The following GDAP1 variants were observed in gnomAD, a reference collection of about 807,000 sequenced individuals.
GDAP1 encodes the protein ganglioside-induced differentiation-associated protein 1.
A neutral mutation model predicts 40.1 loss-of-function variants in GDAP1; 34 were observed. The ratio of observed to expected loss-of-function variants is 0.85; its 90% confidence interval spans 0.64 to 1.13. The LOEUF (loss-of-function observed/expected upper bound fraction) is 1.13. Among genes scored for constraint, GDAP1 ranks in the 50% most tolerant of loss-of-function variants. The probability of loss-of-function intolerance (pLI) is 0.00; values close to 1 mark genes in which losing one functional copy is unlikely to be tolerated. For synonymous variants in GDAP1, 170 were observed against 157.4 expected (o/e 1.08, Z -0.60); for missense variants, 374 against 433.7 (o/e 0.86, Z 1.22).
At chr8:74,458,509 G>C (rs1806363118) in intron 2 of GDAP1, among the ~76,000 whole-genome samples, 1 of 152,190 alleles carries the variant, frequency 6.6e-6, no homozygotes, top group African/African-American at 2.4e-5. Context: ...GGGTCCAAAT[G>C]AGGAAGCAGT....
chr8:74,482,648 G>A, intron 2 of GDAP1, among the ~76,000 whole-genome samples: 1 of 152,120 alleles, frequency 6.6e-6, no homozygotes, highest in East Asian at 1.9e-4. Flanking sequence ...TGTTCATTTG[G>A]AAGCAACGTT....
chr8:74,426,449 A>G (rs984379988), intron 2 of GDAP1, among the ~76,000 whole-genome samples: 1 of 152,238 alleles, frequency 6.6e-6, no homozygotes, highest in African/African-American at 2.4e-5. Context: ...AGTCCGGGAT[A>G]CAACATTGCA....
chr8:74,472,478 A>G (rs973950501), intron 2 of GDAP1, among the ~76,000 whole-genome samples: 1 of 152,126 alleles, frequency 6.6e-6, no homozygotes, highest in African/African-American at 2.4e-5. Flanking sequence ...GGGTTAAATG[A>G]TAGTTCTATT....
chr8:74,376,294 A>T (rs1437063246), intron 2 of GDAP1, among the ~76,000 whole-genome samples: 1 of 152,126 alleles, frequency 6.6e-6, no homozygotes, highest in Non-Finnish European at 1.5e-5. Flanking sequence ...AATGCGAAGG[A>T]CATAGTAATA....
chr8:74,356,686 GTGTGTT>G (rs1339246102), intron 2 of GDAP1, among the ~76,000 whole-genome samples: 9 of 132,616 alleles, frequency 6.8e-5, no homozygotes, highest in Non-Finnish European at 1.4e-4. Flanking sequence ...GTGTGTGTGT[GTGTGTT>G]TGTGTGTGTG....
At chr8:74,412,213 CAA>C (rs1171474645) in intron 2 of GDAP1, among the ~76,000 whole-genome samples, 2 of 149,474 alleles carry the variant, frequency 1.3e-5, no homozygotes, top group Non-Finnish European at 2.9e-5. Flanking sequence ...TATAGTTAGA[CAA>C]AGAGAAAATG....
chr8:74,474,421 C>T (rs547605294), intron 2 of GDAP1, among the ~76,000 whole-genome samples: 1 of 152,212 alleles, frequency 6.6e-6, no homozygotes, highest in East Asian at 1.9e-4. Flanking sequence ...ATGATGTTGG[C>T]TGTGGGTTTG....
intron 2 of GDAP1, among the ~76,000 whole-genome samples, chr8:74,461,489 A>G (rs1162781793): frequency 6.6e-6 from 1 of 152,240 alleles, no homozygotes; most frequent in Non-Finnish European, 1.5e-5. Flanking sequence ...GCCTAAAAAT[A>G]ACAACACAAT....
At chr8:74,386,698 G>A (rs957783321) in intron 2 of GDAP1, among the ~76,000 whole-genome samples, 2 of 152,114 alleles carry the variant, frequency 1.3e-5, no homozygotes, top group Admixed American at 6.6e-5. Flanking sequence ...GAAATTTAAA[G>A]TAGTTTTCTC....
At chr8:74,440,573 A>G (rs1393177000) in intron 2 of GDAP1, among the ~76,000 whole-genome samples, 1 of 146,818 alleles carries the variant, frequency 6.8e-6, no homozygotes, top group African/African-American at 2.5e-5. Context: ...ACCCAGAGCT[A>G]TTTCTGCTGA....
chr8:74,479,788 A>G (rs1364984758), intron 2 of GDAP1, among the ~76,000 whole-genome samples: 1 of 152,178 alleles, frequency 6.6e-6, no homozygotes, highest in African/African-American at 2.4e-5. Context: ...ATCCTTCATT[A>G]TGCAGCAGGC....
chr8:74,390,140 C>T (rs868234344), intron 2 of GDAP1, among the ~76,000 whole-genome samples: 1 of 152,120 alleles, frequency 6.6e-6, no homozygotes, highest in Admixed American at 6.5e-5. Flanking sequence ...TCCTTTAGCT[C>T]AGAGGAGTTT....
intron 2 of GDAP1, among the ~76,000 whole-genome samples, chr8:74,351,707 A>T (rs1464022401): frequency 1.4e-5 from 2 of 146,738 alleles, no homozygotes; most frequent in Non-Finnish European, 3.0e-5. Context: ...TAATGTTGAA[A>T]CTTAAAAAAA....
At chr8:74,384,700 AAC>A (rs1248841769) in intron 2 of GDAP1, among the ~76,000 whole-genome samples, 1 of 152,222 alleles carries the variant, frequency 6.6e-6, no homozygotes, top group East Asian at 1.9e-4. Context: ...AATTCAATAT[AAC>A]TTCATTAAAA....
At chr8:74,351,206 C>T in intron 1 of GDAP1, 68 bp from the exon 2 acceptor site, 2 of 1,267,512 alleles carry the variant, frequency 1.6e-6, no homozygotes, top group Non-Finnish European at 2.3e-6. Context: ...GGCTGCTTAG[C>T]GGTGTCCAGG....
chr8:74,453,976 C>T lies in GDAP1; in HGVS notation c.166-34702C>T, dbSNP rs1344952595. 1.5e-4 allele frequency among the ~76,000 whole-genome samples: 11 copies of T among 73,162 alleles called. 5 individuals carry two copies. Among genetic ancestry groups the T allele is most frequent in the South Asian group, 1.3e-3 (2 of 1,554 alleles). The allele number at this position is 73,162 out of a possible 152,430, so 48.0% of individuals were successfully genotyped here. A position where few individuals can be genotyped will look rare whatever the true frequency, so the allele number is the denominator to read the frequency against. ...ACACACACACACACACACACACACACGTATTCTAAAGACCCAAGGAAAAAT... is the reference window on the plus strand; with the variant it reads ...ACACACACACACACACACACACACATGTATTCTAAAGACCCAAGGAAAAAT... On this transcript the variant is annotated intron_variant, in intron 2 of 2. Coordinates refer to the GDAP1 transcript ENST00000523640.
Position 74,364,863 on chromosome 8 carries a change from T to C in GDAP1, c.*496T>C, listed in dbSNP as rs1297850513. ...TTAAATGCTTATGAATCACACACAT[T>C]GCTTTAGTAAGATTAAGTGCTTATA... On this transcript the variant is annotated 3_prime_UTR_variant, in exon 6 of 6. Transcript: ENST00000220822. 4 of 454,192 alleles carry C rather than the reference T, an allele frequency of 8.8e-6. No homozygotes were observed. Among genetic ancestry groups the C allele is most frequent in the Admixed American group, 4.7e-5 (2 of 42,556 alleles). The allele number at this position is 454,192 out of a possible 1,614,324, so 28.1% of individuals were successfully genotyped here.
chr8:74,461,511 A>G lies in GDAP1; in HGVS notation c.166-27167A>G, dbSNP rs563102481. ...AATAACAACACAATTCAAAGTGCCC[A>G]CATTTGGCTGTGTTCATATGCTGCC... On this transcript the variant is annotated intron_variant, in intron 2 of 2. Coordinates refer to the GDAP1 transcript ENST00000523640. Among the ~76,000 whole-genome samples the G allele has an allele frequency of 5.9e-5, 9 of 152,346 alleles. No homozygotes were observed. The South Asian group carries it at 1.7e-3, about 28-fold the overall frequency.
chr8:74,391,703 T>C (rs536328210), intron 2 of GDAP1, among the ~76,000 whole-genome samples: 2 of 152,230 alleles, frequency 1.3e-5, no homozygotes, highest in South Asian at 4.1e-4. Flanking sequence ...AAGTTAATAT[T>C]ACTGGTTAAT....
Sources: allele counts gnomAD v4.1 joint callset (sites outside exome capture counted in the v4.1 genomes callset), GRCh38; gene constraint gnomAD v4.1.1; transcripts MANE v1.5; gene names NCBI Gene and HGNC (gene_info 2026-07-23, HGNC 2026-07-21).